KCND2: variants seen among roughly 807,000 people sequenced by gnomAD.
KCND2 encodes the protein potassium voltage-gated channel subfamily D member 2.
KCND2 carries 16 observed loss-of-function variants against 54.4 expected under a neutral mutation model. That is an observed-to-expected ratio of 0.29 (90% confidence interval 0.20 to 0.45). The LOEUF (loss-of-function observed/expected upper bound fraction) is 0.45. Among genes scored for constraint, KCND2 ranks in the 20% least tolerant of loss-of-function variants. KCND2 has a pLI of 1.00. For synonymous variants in KCND2, 317 were observed against 310.7 expected (o/e 1.02, Z -0.21); for missense variants, 486 against 824.2 (o/e 0.59, Z 5.02).
intron 1 of KCND2, among the ~76,000 whole-genome samples, chr7:120,510,483 TAA>T (rs1803097358): frequency 6.6e-6 from 1 of 152,104 alleles, no homozygotes; most frequent in African/African-American, 2.4e-5. Flanking sequence ...ACTTAAAACC[TAA>T]ATTCAAACTC....
chr7:120,288,825 A>C (rs974446186), intron 1 of KCND2, among the ~76,000 whole-genome samples: 2 of 152,128 alleles, frequency 1.3e-5, no homozygotes, highest in Non-Finnish European at 1.5e-5. Context: ...ACATAACTTC[A>C]TGCAAACCCA....
At chr7:120,702,288 A>G (rs1208327631) in intron 1 of KCND2, among the ~76,000 whole-genome samples, 1 of 152,172 alleles carries the variant, frequency 6.6e-6, no homozygotes, top group Non-Finnish European at 1.5e-5. Context: ...AGTCAAAAAC[A>G]TAGCAGATGT....
intron 1 of KCND2, among the ~76,000 whole-genome samples, chr7:120,475,170 G>T (rs1015925778): frequency 2.0e-5 from 3 of 152,196 alleles, no homozygotes; most frequent in Non-Finnish European, 2.9e-5. Context: ...AAAAGGGAGG[G>T]TTGATCATTT....
intron 1 of KCND2, among the ~76,000 whole-genome samples, chr7:120,597,844 G>A (rs1437944288): frequency 6.6e-6 from 1 of 152,102 alleles, no homozygotes; most frequent in Non-Finnish European, 1.5e-5. Context: ...CTTGTTTCCT[G>A]AGTTGACATG....
chr7:120,429,843 T>C (rs1801765133), intron 1 of KCND2, among the ~76,000 whole-genome samples: 1 of 152,132 alleles, frequency 6.6e-6, no homozygotes, highest in African/African-American at 2.4e-5. Context: ...CTTGATGAGA[T>C]TGGAATGACG....
intron 1 of KCND2, among the ~76,000 whole-genome samples, chr7:120,656,438 G>A (rs535150388): frequency 3.9e-5 from 6 of 152,106 alleles, no homozygotes; most frequent in South Asian, 4.1e-4. Context: ...TTTATAATTC[G>A]TCACTGTAAA....
chr7:120,440,554 A>C (rs188514232), intron 1 of KCND2, among the ~76,000 whole-genome samples: 173 of 152,142 alleles, frequency 1.1e-3, no homozygotes, highest in Non-Finnish European at 1.8e-3. Context: ...TATCCAAAGA[A>C]TCTTTTTCCA....
intron 2 of KCND2, among the ~76,000 whole-genome samples, chr7:120,734,470 G>A (rs922068753): frequency 3.3e-5 from 5 of 152,048 alleles, no homozygotes; most frequent in African/African-American, 1.2e-4. Flanking sequence ...TCACATACCT[G>A]TTAAGTTGGA....
chr7:120,343,875 G>A lies in KCND2; in HGVS notation c.1115+68128G>A, dbSNP rs142204101. 8.9e-3 allele frequency among the ~76,000 whole-genome samples: 1,355 copies of A among 152,254 alleles called. 15 individuals carry two copies. Among genetic ancestry groups the A allele is most frequent in the East Asian group, 0.033 (171 of 5,186 alleles). On this transcript the variant is annotated intron_variant, in intron 1 of 5. Coordinates refer to ENST00000331113, the MANE Select transcript of KCND2 (RefSeq NM_012281.3). ...ATCATATGCATGTGCACTTGCAAAT[G>A]AGCCTTTATGCTTATTGCCATGAAA...
intron 1 of KCND2, among the ~76,000 whole-genome samples, chr7:120,398,663 T>A (rs987634823): frequency 6.6e-6 from 1 of 152,134 alleles, no homozygotes; most frequent in African/African-American, 2.4e-5. Flanking sequence ...TTGTTTTGTT[T>A]TTAATGAAAT....
At chr7:120,412,194 G>T (rs1040226275) in intron 1 of KCND2, among the ~76,000 whole-genome samples, 2 of 151,996 alleles carry the variant, frequency 1.3e-5, no homozygotes, top group Non-Finnish European at 2.9e-5. Context: ...GAGTCACTGA[G>T]AAGTTACACA....
chr7:120,502,127 G>T (rs1394879131), intron 1 of KCND2, among the ~76,000 whole-genome samples: 1 of 152,012 alleles, frequency 6.6e-6, no homozygotes, highest in African/African-American at 2.4e-5. Context: ...GGAAGCCTAT[G>T]GCTGTTACTG....
intron 2 of KCND2, among the ~76,000 whole-genome samples, chr7:120,739,831 A>ACG (rs1393552704): frequency 6.7e-6 from 1 of 149,960 alleles, no homozygotes; most frequent in Non-Finnish European, 1.5e-5. Context: ...ACACACACAC[A>ACG]CGCACTCCCT....
chr7:120,445,373 T>C (rs1041404616), intron 1 of KCND2, among the ~76,000 whole-genome samples: 2 of 152,196 alleles, frequency 1.3e-5, no homozygotes, highest in African/African-American at 4.8e-5. Context: ...GATTCTGTGT[T>C]TCTATTAATT....
intron 2 of KCND2, among the ~76,000 whole-genome samples, chr7:120,734,868 T>C (rs151333081): frequency 6.6e-6 from 1 of 152,242 alleles, no homozygotes; most frequent in Non-Finnish European, 1.5e-5. Context: ...GCTTTGTAGG[T>C]AATTCCAGAA....
rs148093415 is a variant in KCND2 at position 120,716,155 on chromosome 7, A to G, written c.1116-16748A>G. Among the ~76,000 whole-genome samples, 3 of 152,212 alleles carry G rather than the reference A, an allele frequency of 2.0e-5. No individual in the cohort carries two copies. In the East Asian group the frequency reaches 5.8e-4, roughly 29 times the overall value. Reference sequence around the variant, plus strand: ...AATCTTTTGGGATGTTTCAATAAGAAAGCCTCACTAAGGTAAAGGAAAAAC... The same window carrying G: ...AATCTTTTGGGATGTTTCAATAAGAGAGCCTCACTAAGGTAAAGGAAAAAC... On this transcript the variant is annotated intron_variant, in intron 1 of 5. Coordinates refer to ENST00000331113, the MANE Select transcript of KCND2 (RefSeq NM_012281.3).
intron 1 of KCND2, among the ~76,000 whole-genome samples, chr7:120,368,243 G>T (rs953360687): frequency 2.0e-4 from 30 of 152,118 alleles, no homozygotes; most frequent in African/African-American, 7.0e-4. Context: ...CGGATCCAGT[G>T]ATAATTTTTC....
At chr7:120,619,687 A>G (rs1016154668) in intron 1 of KCND2, among the ~76,000 whole-genome samples, 30 of 152,252 alleles carry the variant, frequency 2.0e-4, no homozygotes, top group Non-Finnish European at 4.4e-5. Context: ...GCAAACTTAG[A>G]AAATATAATT....
At chr7:120,314,585 G>A (rs2116320041) in intron 1 of KCND2, among the ~76,000 whole-genome samples, 1 of 152,196 alleles carries the variant, frequency 6.6e-6, no homozygotes, top group Non-Finnish European at 1.5e-5. Flanking sequence ...CAGATAAACA[G>A]ACTTTAGAGG....
Sources: allele counts gnomAD v4.1 joint callset (sites outside exome capture counted in the v4.1 genomes callset), GRCh38; gene constraint gnomAD v4.1.1; transcripts MANE v1.5; gene names NCBI Gene and HGNC (gene_info 2026-07-23, HGNC 2026-07-21).